PATJ: variants seen among roughly 807,000 people sequenced by gnomAD.
PATJ encodes the protein inaD-like protein.
In PATJ, 190 loss-of-function variants were observed where a neutral mutation model predicts 224.9. The ratio of observed to expected loss-of-function variants is 0.84; its 90% CI spans 0.75 to 0.95. PATJ has a LOEUF of 0.95. Ranked by LOEUF, PATJ falls within the 40% of genes least tolerant of loss-of-function variation. PATJ has a pLI of 0.00. For synonymous variants in PATJ, 769 were observed against 820.3 expected, an observed-to-expected ratio of 0.94 and a Z score of 1.07; for missense variants, 2,121 against 2,270.3, an observed-to-expected ratio of 0.93 and a Z score of 1.34.
chr1:61,898,587 A>G (rs1320248797), intron 22 of PATJ, among the ~76,000 whole-genome samples: 1 of 152,106 alleles, frequency 6.6e-6, no homozygotes, highest in African/African-American at 2.4e-5. Context: ...AGATTTTTGT[A>G]TAGAGTAATA....
rs1423323329 is a variant in PATJ at position 62,018,752 on chromosome 1, T to G, written c.3959+805T>G. Among the ~76,000 whole-genome samples, 1 of 152,200 alleles carries G rather than the reference T, an allele frequency of 6.6e-6. No homozygotes were observed. Among genetic ancestry groups the G allele is most frequent in the Non-Finnish European group, 1.5e-5 (1 of 68,036 alleles). On this transcript the variant is annotated intron_variant, in intron 29 of 43. Coordinates refer to ENST00000642238, the MANE Select transcript of PATJ (RefSeq NM_001350145.3). The surrounding 1 kb of genome is among the most constrained non-coding windows in gnomAD (Gnocchi z 4.2). ...AAAATGCTCAATACAACATCTAGCATAGAGTAAGGGGTGAAAGAATGTTAG... is the reference window on the plus strand; with the variant it reads ...AAAATGCTCAATACAACATCTAGCAGAGAGTAAGGGGTGAAAGAATGTTAG...
intron 17 of PATJ, among the ~76,000 whole-genome samples, chr1:61,845,873 C>T (rs957590099): frequency 6.6e-6 from 1 of 152,142 alleles, no homozygotes; most frequent in Non-Finnish European, 1.5e-5. Context: ...CTGAGCCTTT[C>T]TTTATGCATT....
At chr1:61,781,126 G>C (rs1342495271) in intron 7 of PATJ, among the ~76,000 whole-genome samples, 1 of 152,156 alleles carries the variant, frequency 6.6e-6, no homozygotes, top group East Asian at 1.9e-4. Flanking sequence ...AGTCAGGATT[G>C]AGCCCGTACC....
rs1421856622 is a variant in PATJ at position 61,804,830 on chromosome 1, A to G, written c.1550-618A>G. ...TTCCACTCAAAAAAGTCGTAAAGAT[A>G]CAAATATCTTAATAACCAAGCAACA... On this transcript the variant is annotated intron_variant, in intron 12 of 43. Transcript: ENST00000642238. 3.3e-5 allele frequency among the ~76,000 whole-genome samples: 5 copies of G among 152,186 alleles called. No homozygotes were observed. In the East Asian group the frequency reaches 9.6e-4, roughly 29 times the overall value.
intron 30 of PATJ, among the ~76,000 whole-genome samples, chr1:62,046,329 T>C (rs1002515744): frequency 1.3e-5 from 2 of 152,242 alleles, no homozygotes; most frequent in African/African-American, 4.8e-5. Context: ...CTACTTGTAA[T>C]GTAACATGAA....
chr1:62,162,953 G>GAA lies in PATJ; in HGVS notation c.*1906_*1907dup. The GAA allele has an allele frequency of 2.5e-6, 1 of 402,564 alleles. No individual in the cohort carries two copies. Among genetic ancestry groups the GAA allele is most frequent in the Non-Finnish European group, 4.9e-6 (1 of 204,206 alleles). The allele number at this position is 402,564 out of a possible 1,614,324, so 24.9% of individuals were successfully genotyped here. ...CAGAGCAAGACTCTGTCTCGAAAAA[G>GAA]AAAAAAAACCATGAAGGATGAGTAC... is the stretch of plus-strand genomic sequence containing the variant. On this transcript the variant is annotated 3_prime_UTR_variant, in exon 44 of 44. Transcript: ENST00000642238.
At chr1:62,132,532 G>A (rs548798410) in intron 41 of PATJ, among the ~76,000 whole-genome samples, 2 of 151,898 alleles carry the variant, frequency 1.3e-5, no homozygotes, top group Non-Finnish European at 2.9e-5. Flanking sequence ...TTGCTTTTAG[G>A]GAGTAAGAAT....
chr1:62,010,078 CAAAAAAAAA>C (rs34658070), intron 28 of PATJ, among the ~76,000 whole-genome samples: 12 of 84,272 alleles, frequency 1.4e-4, no homozygotes, highest in Admixed American at 3.0e-4. Flanking sequence ...GACTCCATCT[CAAAAAAAAA>C]AAAAAAAAAG....
rs1211090308 is a variant in PATJ, at chr1:62,018,812, C to A, written c.3959+865C>A. ...TAGGATTATGACAATCATTATTATT[C>A]TTCCCTTTCTCGTTAGTTACCAGCA... On this transcript the variant is annotated intron_variant, in intron 29 of 43. Transcript: ENST00000642238. This position sits in a 1 kb window ranked among gnomAD's most constrained non-coding sequence, Gnocchi z 4.2. 1.3e-5 allele frequency among the ~76,000 whole-genome samples: 2 copies of A among 152,142 alleles called. No homozygotes were observed. Among genetic ancestry groups the A allele is most frequent in the Non-Finnish European group, 1.5e-5 (1 of 68,040 alleles).
chr1:62,066,551 T>TGGTGGG (rs1656468754), intron 31 of PATJ, among the ~76,000 whole-genome samples: 2 of 152,186 alleles, frequency 1.3e-5, no homozygotes, highest in South Asian at 4.2e-4. Context: ...ACCTGGCCTG[T>TGGTGGG]GGGAACTTTG....
intron 27 of PATJ, among the ~76,000 whole-genome samples, chr1:61,942,565 T>G (rs1166344150): frequency 1.3e-5 from 2 of 152,066 alleles, no homozygotes; most frequent in East Asian, 3.9e-4. Flanking sequence ...TTTTTTTTTT[T>G]TTTAAGAGGG....
chr1:61,846,241 T>G (rs1393949950), intron 17 of PATJ: 2 of 152,234 alleles, frequency 1.3e-5, no homozygotes, highest in Non-Finnish European at 2.9e-5. Context: ...ATCTGTACTA[T>G]TGTTATTTCC....
At chr1:61,815,286 A>G (rs376374027) in intron 14 of PATJ, among the ~76,000 whole-genome samples, 28 of 152,330 alleles carry the variant, frequency 1.8e-4, no homozygotes, top group African/African-American at 6.0e-4. Flanking sequence ...AACTAAGTGA[A>G]GAGCAGAATA....
chr1:61,855,820 A>G (rs1160500204), intron 17 of PATJ, among the ~76,000 whole-genome samples: 1 of 152,168 alleles, frequency 6.6e-6, no homozygotes, highest in African/African-American at 2.4e-5. Context: ...TCAGCCTCCC[A>G]AGAAGCTGGA....
In PATJ at chr1:62,084,538, G is replaced by C. The variant is rs751187889; in HGVS notation, c.4267G>C (p.Val1423Leu). 1.2e-6 allele frequency: 2 copies of C among 1,612,104 alleles called. No homozygotes were observed. The highest frequency in any genetic ancestry group is 2.2e-5 in the South Asian group (2 of 90,250). Residue 1423 changes from valine (V) to leucine (L), a missense_variant, in exon 33 of 44, where the codon GTG becomes CTG. By Grantham distance (32) the Val-to-Leu change is conservative. Coordinates refer to ENST00000642238, the MANE Select transcript of PATJ (RefSeq NM_001350145.3). Reference protein sequence around the residue: ...GYGGFQAPLSVDPATCPIVPG... With the variant: ...GYGGFQAPLSLDPATCPIVPG... Reference sequence around the variant, plus strand: ...AGGTGGTTTCCAGGCTCCTCTGTCAGTGGACCCCGCAACGTGTCCCATTGT... The same window carrying C: ...AGGTGGTTTCCAGGCTCCTCTGTCACTGGACCCCGCAACGTGTCCCATTGT...
At chr1:61,888,176 C>T (rs1669140218) in intron 22 of PATJ, among the ~76,000 whole-genome samples, 1 of 152,184 alleles carries the variant, frequency 6.6e-6, no homozygotes. Context: ...TGGGGAAACG[C>T]ACAGTGATAA....
At chr1:61,837,736 G>A (rs2811326) in intron 17 of PATJ, among the ~76,000 whole-genome samples, 2,332 of 149,684 alleles carry the variant, frequency 0.016, 25 homozygotes, top group Non-Finnish European at 0.023. Context: ...GTTACGGTGA[G>A]CTGAGATTGC....
At chr1:62,079,604 G>A (rs1384536441) in intron 32 of PATJ, 37 bp downstream of exon 32, 2 of 1,366,618 alleles carry the variant, frequency 1.5e-6, no homozygotes, top group East Asian at 2.3e-5. Context: ...GGCTCATTAA[G>A]CCTTAGAGAA....
chr1:61,916,644 C>T (rs1673487721), intron 26 of PATJ, among the ~76,000 whole-genome samples: 1 of 152,106 alleles, frequency 6.6e-6, no homozygotes, highest in Admixed American at 6.5e-5. Context: ...TTCATCTTAC[C>T]CACTGCCCAA....
Sources: gnomAD v4.1 joint callset for allele counts (sites outside exome capture counted in the v4.1 genomes callset) on GRCh38, gnomAD v4.1.1 for gene constraint, Gnocchi (gnomAD v3.1) non-coding constraint, MANE v1.5 for transcripts, NCBI Gene and HGNC (gene_info 2026-07-23, HGNC 2026-07-21) for gene names.